Variants in NEGR1 observed in about 807,000 individuals in gnomAD.
NEGR1 encodes neuronal growth regulator 1.
A neutral mutation model predicts 40.9 loss-of-function variants in NEGR1; 10 were observed. That is an observed-to-expected ratio of 0.24 (90% CI 0.15 to 0.42). NEGR1 has a LOEUF of 0.42. Ranked by LOEUF, NEGR1 falls within the 10% of genes least tolerant of loss-of-function variation. The probability of loss-of-function intolerance (pLI) is 1.00; values close to 1 mark genes in which losing one functional copy is unlikely to be tolerated. For synonymous variants in NEGR1, 185 were observed against 166.8 expected (o/e 1.11, Z -0.84); for missense variants, 352 against 438.9 (o/e 0.80, Z 1.77).
chr1:71,418,754 T>C (rs76581261), intron 6 of NEGR1, among the ~76,000 whole-genome samples: 1,673 of 152,252 alleles, frequency 0.011, 40 homozygotes, highest in African/African-American at 0.038. Context: ...AGGCCTTGCT[T>C]AGGTACTTGC....
At chr1:72,228,939 T>C (rs560982976) in intron 1 of NEGR1, among the ~76,000 whole-genome samples, 1 of 152,250 alleles carries the variant, frequency 6.6e-6, no homozygotes, top group Non-Finnish European at 1.5e-5. Flanking sequence ...ATGTTACTAA[T>C]AACCATCTCT....
intron 1 of NEGR1, among the ~76,000 whole-genome samples, chr1:72,230,579 G>A (rs1467584087): frequency 6.6e-6 from 1 of 152,072 alleles, no homozygotes; most frequent in Non-Finnish European, 1.5e-5. Flanking sequence ...GATCTCAAAT[G>A]TCCTTCTCAA....
intron 2 of NEGR1, among the ~76,000 whole-genome samples, chr1:71,821,763 AAT>A (rs1387668941): frequency 6.6e-6 from 1 of 152,042 alleles, no homozygotes; most frequent in Admixed American, 6.6e-5. Context: ...CCCTTTGAAA[AAT>A]ATGTCCTGGT....
At chr1:72,015,998 G>C (rs548010562) in intron 1 of NEGR1, among the ~76,000 whole-genome samples, 2 of 152,146 alleles carry the variant, frequency 1.3e-5, no homozygotes, top group Non-Finnish European at 2.9e-5. Flanking sequence ...AAATAGTGTA[G>C]TGACTTCTAT....
At chr1:72,170,302 G>C (rs1570073673) in intron 1 of NEGR1, among the ~76,000 whole-genome samples, 1 of 151,854 alleles carries the variant, frequency 6.6e-6, no homozygotes, top group African/African-American at 2.4e-5. Context: ...TTGAAGTTTT[G>C]CCAACTCATT....
At chr1:72,048,223 G>A (rs17092257) in intron 1 of NEGR1, among the ~76,000 whole-genome samples, 3,708 of 151,560 alleles carry the variant, frequency 0.024, 141 homozygotes, top group African/African-American at 0.084. Context: ...GATAACGACA[G>A]CACTTAATTC....
chr1:71,707,707 T>C (rs1380141383), intron 3 of NEGR1, among the ~76,000 whole-genome samples: 1 of 152,032 alleles, frequency 6.6e-6, no homozygotes, highest in Non-Finnish European at 1.5e-5. Flanking sequence ...CCCAGAGCTA[T>C]ATTGACTTCA....
rs749281163 is a variant in NEGR1, at chr1:72,032,700, T to C, written c.177-97389A>G. Among the ~76,000 whole-genome samples the C allele has an allele frequency of 1.1e-4, 17 of 152,292 alleles. 1 individual carries two copies. The South Asian group carries it at 3.5e-3, about 32-fold the overall frequency. ...ATATATTCTCCTTTTTAAAAAATCA[T>C]CTTGCTTCTCTAACATACATCTTCA... On this transcript the variant is annotated intron_variant, in intron 1 of 6. Coordinates refer to ENST00000357731, the MANE Select transcript of NEGR1 (RefSeq NM_173808.3).
intron 6 of NEGR1, among the ~76,000 whole-genome samples, chr1:71,447,179 C>T (rs1646588180): frequency 6.6e-6 from 1 of 152,174 alleles, no homozygotes. Flanking sequence ...AGCGTGGAAC[C>T]TAGGGATCTA....
At chr1:72,057,556 G>A (rs1647123043) in intron 1 of NEGR1, among the ~76,000 whole-genome samples, 1 of 151,402 alleles carries the variant, frequency 6.6e-6, no homozygotes, top group African/African-American at 2.4e-5. Flanking sequence ...CAGCTGGCAG[G>A]ACATAAGGAG....
chr1:71,988,659 G>C (rs1444038673), intron 1 of NEGR1, among the ~76,000 whole-genome samples: 1 of 150,026 alleles, frequency 6.7e-6, no homozygotes, highest in Non-Finnish European at 1.5e-5. Context: ...AAAAACTGAA[G>C]ATGCTAAATC....
chr1:71,705,852 GAAGA>G (rs1439119920), intron 3 of NEGR1, among the ~76,000 whole-genome samples: 2 of 151,762 alleles, frequency 1.3e-5, no homozygotes, highest in African/African-American at 4.8e-5. Flanking sequence ...GAGAAGGAAG[GAAGA>G]GAGGAAGGAA....
chr1:71,948,017 T>C (rs1015291249), intron 1 of NEGR1, among the ~76,000 whole-genome samples: 2 of 152,186 alleles, frequency 1.3e-5, no homozygotes, highest in Non-Finnish European at 2.9e-5. Context: ...AGAATTATTA[T>C]AATATAAGTT....
intron 2 of NEGR1, among the ~76,000 whole-genome samples, chr1:71,924,882 C>A (rs1361005721): frequency 6.6e-6 from 1 of 151,788 alleles, no homozygotes; most frequent in Non-Finnish European, 1.5e-5. Context: ...GAATGTCTAA[C>A]TAATCCTTTT....
intron 3 of NEGR1, among the ~76,000 whole-genome samples, chr1:71,740,490 A>G (rs567409762): frequency 6.6e-6 from 1 of 152,214 alleles, no homozygotes; most frequent in East Asian, 1.9e-4. Context: ...CACTATCCAC[A>G]TCCTAGGAAT....
chr1:72,261,395 T>G (rs1655450207), intron 1 of NEGR1, among the ~76,000 whole-genome samples: 1 of 152,066 alleles, frequency 6.6e-6, no homozygotes, highest in African/African-American at 2.4e-5. Context: ...TTCTCAAACT[T>G]CATTATGCAG....
chr1:71,977,889 G>A (rs12058282), intron 1 of NEGR1, among the ~76,000 whole-genome samples: 14,959 of 150,760 alleles, frequency 0.099, 1,063 homozygotes, highest in Admixed American at 0.22. Flanking sequence ...ACCTAATTTC[G>A]CTCTCTGCCA....
intron 1 of NEGR1, among the ~76,000 whole-genome samples, chr1:72,193,029 T>C (rs1043048853): frequency 6.6e-6 from 1 of 151,734 alleles, no homozygotes; most frequent in Admixed American, 6.6e-5. Context: ...AGGAGAGAAA[T>C]ACTAGTAAAT....
chr1:72,277,372 C>T (rs1284232753), intron 1 of NEGR1, among the ~76,000 whole-genome samples: 2 of 152,104 alleles, frequency 1.3e-5, no homozygotes, highest in Admixed American at 6.5e-5. Context: ...ACTTATTCCA[C>T]GGAGTGATTT....
Sources: gnomAD v4.1 joint callset for allele counts (sites outside exome capture counted in the v4.1 genomes callset) on GRCh38, gnomAD v4.1.1 for gene constraint, MANE v1.5 for transcripts, NCBI Gene and HGNC (gene_info 2026-07-23, HGNC 2026-07-21) for gene names.